MAN1C1: variants seen among roughly 807,000 people sequenced by gnomAD.
The protein encoded by MAN1C1 is mannosyl-oligosaccharide 1,2-alpha-mannosidase IC.
In MAN1C1, 49 loss-of-function variants were observed where a neutral mutation model predicts 71.5. The observed-to-expected ratio is 0.69, with a 90% CI of 0.54 to 0.87. The LOEUF (loss-of-function observed/expected upper bound fraction) is 0.87. Among genes scored for constraint, MAN1C1 ranks in the 40% least tolerant of loss-of-function variants. The pLI is 0.00. For synonymous variants in MAN1C1, 352 were observed against 343.7 expected (o/e 1.02, Z -0.27); for missense variants, 743 against 835.0 (o/e 0.89, Z 1.36).
In MAN1C1 at chr1:25,618,436, T is replaced by C. The variant is rs927869384; in HGVS notation, c.540+99T>C. The C allele has an allele frequency of 1.0e-5, 12 of 1,198,250 alleles. No individual in the cohort carries two copies. In the African/African-American group the frequency reaches 1.8e-4, roughly 18 times the overall value. The allele number at this position is 1,198,250 out of a possible 1,614,324, so 74.2% of individuals were successfully genotyped here. ...CCCTTTCCCTTGCCTCAGTCACTCCTGGTCCCAGGTCTACTTCTGGCCCTG... is the reference window on the plus strand; with the variant it reads ...CCCTTTCCCTTGCCTCAGTCACTCCCGGTCCCAGGTCTACTTCTGGCCCTG... On this transcript the variant is annotated intron_variant, in intron 1 of 11. Coordinates refer to ENST00000374332, the MANE Select transcript of MAN1C1 (RefSeq NM_020379.4).
intron 5 of MAN1C1, among the ~76,000 whole-genome samples, chr1:25,754,216 G>C (rs1016381795): frequency 2.0e-4 from 30 of 152,174 alleles, no homozygotes; most frequent in African/African-American, 7.0e-4. Context: ...CGCTAGGAAG[G>C]CTGTGACGTT....
intron 1 of MAN1C1, among the ~76,000 whole-genome samples, chr1:25,669,351 C>G (rs2045965072): frequency 6.6e-6 from 1 of 152,160 alleles, no homozygotes; most frequent in African/African-American, 2.4e-5. Context: ...CGCTCTGAAC[C>G]TCAGTTTTCT....
At chr1:25,766,964 C>T (rs966924872) in intron 7 of MAN1C1, among the ~76,000 whole-genome samples, 1 of 151,998 alleles carries the variant, frequency 6.6e-6, no homozygotes, top group African/African-American at 2.4e-5. Context: ...CAGGAAGCAG[C>T]AGAGCCTGCC....
At chr1:25,635,083 C>G (rs1000328506) in intron 1 of MAN1C1, among the ~76,000 whole-genome samples, 7 of 151,986 alleles carry the variant, frequency 4.6e-5, no homozygotes, top group Non-Finnish European at 1.0e-4. Flanking sequence ...CTAGGCTGGC[C>G]TCGAACTCCT....
chr1:25,750,055 C>T (rs898394762), intron 4 of MAN1C1, among the ~76,000 whole-genome samples: 23 of 152,192 alleles, frequency 1.5e-4, no homozygotes, highest in African/African-American at 5.3e-4. Context: ...CCTCACTCCA[C>T]ACCACCCTCA....
intron 2 of MAN1C1, 39 bp downstream of exon 2, chr1:25,686,575 C>A: frequency 6.4e-7 from 1 of 1,560,732 alleles, no homozygotes. Context: ...GGGAGGGACC[C>A]ACCGCCCCGC....
intron 1 of MAN1C1, among the ~76,000 whole-genome samples, chr1:25,653,763 C>T (rs1572123639): frequency 6.6e-6 from 1 of 152,136 alleles, no homozygotes; most frequent in East Asian, 1.9e-4. Context: ...GGCAGGGGAT[C>T]AGGCATGTTT....
chr1:25,660,057 T>G (rs61777482), intron 1 of MAN1C1, among the ~76,000 whole-genome samples: 2,190 of 152,262 alleles, frequency 0.014, 20 homozygotes, highest in Non-Finnish European at 0.024. Flanking sequence ...TTTTGATAAT[T>G]GCCTAGACTT....
In MAN1C1 at chr1:25,620,422, G is replaced by A. The variant is rs1350118685; in HGVS notation, c.540+2085G>A. ...CTTCAGGCTTCCTGCCACTGACCAC[G>A]CTCTCACGACAACCTGAAAGATGTA... On this transcript the variant is annotated intron_variant, in intron 1 of 11. Transcript: ENST00000374332. Among the ~76,000 whole-genome samples, 4 of 150,002 alleles carry A rather than the reference G, an allele frequency of 2.7e-5. No homozygotes were observed. In the East Asian group the frequency reaches 5.8e-4, roughly 22 times the overall value.
chr1:25,706,566 C>T (rs139269273), intron 2 of MAN1C1, among the ~76,000 whole-genome samples: 47 of 152,172 alleles, frequency 3.1e-4, no homozygotes, highest in Non-Finnish European at 4.3e-4. Flanking sequence ...GTTGGACATG[C>T]GCAGGGCAGC....
At chr1:25,646,916 C>A (rs561990766) in intron 1 of MAN1C1, among the ~76,000 whole-genome samples, 1 of 152,226 alleles carries the variant, frequency 6.6e-6, no homozygotes, top group Non-Finnish European at 1.5e-5. Context: ...GTTTTCAGTT[C>A]TTTAGGGCAT....
At chr1:25,690,810 A>G (rs2046298183) in intron 2 of MAN1C1, among the ~76,000 whole-genome samples, 1 of 152,228 alleles carries the variant, frequency 6.6e-6, no homozygotes, top group Non-Finnish European at 1.5e-5. Flanking sequence ...CCAGGCACAG[A>G]GCAGGCACTT....
chr1:25,621,918 C>A (rs1398201391), intron 1 of MAN1C1, among the ~76,000 whole-genome samples: 1 of 152,132 alleles, frequency 6.6e-6, no homozygotes, highest in Admixed American at 6.5e-5. Context: ...CACGAGCCAC[C>A]GCGCCTGGCC....
intron 4 of MAN1C1, among the ~76,000 whole-genome samples, chr1:25,750,651 G>A (rs1454300047): frequency 6.6e-6 from 1 of 152,314 alleles, no homozygotes; most frequent in East Asian, 1.9e-4. Context: ...TCTCCATCGA[G>A]CATAATCTCC....
intron 2 of MAN1C1, among the ~76,000 whole-genome samples, chr1:25,741,453 C>G (rs914497791): frequency 2.0e-5 from 3 of 152,200 alleles, no homozygotes; most frequent in African/African-American, 7.2e-5. Flanking sequence ...GGAAGAATGG[C>G]AGCCTGAAGG....
intron 2 of MAN1C1, among the ~76,000 whole-genome samples, chr1:25,731,580 C>A (rs111541290): frequency 7.2e-5 from 11 of 152,298 alleles, no homozygotes; most frequent in African/African-American, 2.4e-4. Flanking sequence ...CTAAGTCTAC[C>A]TGATTCCAAA....
intron 3 of MAN1C1, among the ~76,000 whole-genome samples, chr1:25,748,348 C>T (rs1290315470): frequency 6.6e-6 from 1 of 152,124 alleles, no homozygotes; most frequent in African/African-American, 2.4e-5. Flanking sequence ...GAAGAGCTCC[C>T]CCAGGTTAAC....
At chr1:25,741,242 A>G (rs754766439) in intron 2 of MAN1C1, among the ~76,000 whole-genome samples, 34 of 152,130 alleles carry the variant, frequency 2.2e-4, no homozygotes, top group Non-Finnish European at 4.4e-4. Flanking sequence ...AGCCTCCCAG[A>G]GTGCTGGGAT....
In MAN1C1 at chr1:25,711,910, C is replaced by T. The variant is rs1223858961; in HGVS notation, c.637+25374C>T. 1.3e-5 allele frequency among the ~76,000 whole-genome samples: 2 copies of T among 152,028 alleles called. No homozygotes were observed. Among genetic ancestry groups the T allele is most frequent in the East Asian group, 3.9e-4 (2 of 5,182 alleles). ...TCTTTAAGAAGAGATGTGTAAACAG[C>T]TTTCAGGAATGTTTGTTTAAATGGA... On this transcript the variant is annotated intron_variant, in intron 2 of 11. Coordinates refer to ENST00000374332, the MANE Select transcript of MAN1C1 (RefSeq NM_020379.4). The surrounding 1 kb of genome is among the most constrained non-coding windows in gnomAD (Gnocchi z 4.3).
Sources: allele counts gnomAD v4.1 joint callset (sites outside exome capture counted in the v4.1 genomes callset), GRCh38; gene constraint gnomAD v4.1.1; non-coding constraint Gnocchi (gnomAD v3.1); transcripts MANE v1.5; gene names NCBI Gene and HGNC (gene_info 2026-07-23, HGNC 2026-07-21).